Variants in NEGR1 observed in about 807,000 individuals in gnomAD.
NEGR1 encodes the protein neuronal growth regulator 1.
Under a neutral mutation model 40.9 loss-of-function variants are expected in NEGR1, and 10 were observed. The ratio of observed to expected loss-of-function variants is 0.24; its 90% CI spans 0.15 to 0.42. NEGR1 has a LOEUF of 0.42. Among genes scored for constraint, NEGR1 ranks in the 10% least tolerant of loss-of-function variants. The probability of loss-of-function intolerance (pLI) is 1.00; values close to 1 mark genes in which losing one functional copy is unlikely to be tolerated. For missense variants in NEGR1, 352 were observed against 438.9 expected, an observed-to-expected ratio of 0.80 and a Z score of 1.77; for synonymous variants, 185 against 166.8, an observed-to-expected ratio of 1.11 and a Z score of -0.84.
At chr1:71,527,405 AT>A (rs1487473509) in intron 6 of NEGR1, among the ~76,000 whole-genome samples, 1 of 41,084 alleles carries the variant, frequency 2.4e-5, no homozygotes, top group African/African-American at 7.9e-5. Flanking sequence ...TCCAACCACC[AT>A]CCATCCATCC....
chr1:71,918,002 G>C (rs890374133), intron 2 of NEGR1, among the ~76,000 whole-genome samples: 4 of 150,356 alleles, frequency 2.7e-5, no homozygotes, highest in African/African-American at 9.8e-5. Flanking sequence ...CGGATCACAA[G>C]GTCAGGAGAT....
At chr1:72,052,296 G>T (rs1020996215) in intron 1 of NEGR1, among the ~76,000 whole-genome samples, 4 of 151,324 alleles carry the variant, frequency 2.6e-5, no homozygotes, top group African/African-American at 7.3e-5. Flanking sequence ...TATTGCTTTT[G>T]CTGATTTGGC....
chr1:71,620,232 T>C (rs975557344), intron 4 of NEGR1, among the ~76,000 whole-genome samples: 3 of 151,970 alleles, frequency 2.0e-5, no homozygotes, highest in Non-Finnish European at 4.4e-5. Flanking sequence ...CGTAGAGCAT[T>C]AGTGAATTTA....
At chr1:72,069,774 T>G (rs1042158192) in intron 1 of NEGR1, among the ~76,000 whole-genome samples, 9 of 152,168 alleles carry the variant, frequency 5.9e-5, no homozygotes, top group African/African-American at 2.2e-4. Context: ...GAAATAAATT[T>G]TGAATATTCC....
At chr1:71,845,856 C>A (rs957879429) in intron 2 of NEGR1, among the ~76,000 whole-genome samples, 1 of 151,648 alleles carries the variant, frequency 6.6e-6, no homozygotes, top group African/African-American at 2.4e-5. Context: ...AACTCCTGGG[C>A]TCACGGGATC....
intron 4 of NEGR1, among the ~76,000 whole-genome samples, chr1:71,615,377 G>A (rs571409939): frequency 2.0e-4 from 31 of 152,278 alleles, no homozygotes; most frequent in African/African-American, 7.2e-4. Context: ...AAAAGGAAGA[G>A]CAAGATATGT....
chr1:72,174,209 C>A (rs1046466496), intron 1 of NEGR1, among the ~76,000 whole-genome samples: 13 of 152,172 alleles, frequency 8.5e-5, no homozygotes, highest in Non-Finnish European at 1.8e-4. Context: ...GGTTCACAGC[C>A]AAACTGAGTG....
intron 6 of NEGR1, among the ~76,000 whole-genome samples, chr1:71,582,799 G>A (rs1486489920): frequency 6.6e-6 from 1 of 152,156 alleles, no homozygotes; most frequent in African/African-American, 2.4e-5. Context: ...TGCACTCCAG[G>A]GCTAAAGCTG....
intron 3 of NEGR1, among the ~76,000 whole-genome samples, chr1:71,743,512 A>C (rs926714415): frequency 1.3e-5 from 2 of 152,004 alleles, no homozygotes; most frequent in Non-Finnish European, 2.9e-5. Context: ...ACTAATGCTG[A>C]TTATGTTGAA....
chr1:72,158,350 G>A (rs932153867), intron 1 of NEGR1, among the ~76,000 whole-genome samples: 3 of 152,188 alleles, frequency 2.0e-5, no homozygotes, highest in African/African-American at 7.2e-5. Flanking sequence ...GTTCCTTTTA[G>A]TGTAGCTCTC....
chr1:72,074,036 C>T (rs376795048), intron 1 of NEGR1, among the ~76,000 whole-genome samples: 20 of 152,090 alleles, frequency 1.3e-4, no homozygotes, highest in South Asian at 2.1e-4. Flanking sequence ...TTCTATGATA[C>T]GCTATTTCAT....
intron 2 of NEGR1, among the ~76,000 whole-genome samples, chr1:71,872,754 T>TA (rs1367753602): frequency 2.6e-5 from 4 of 152,196 alleles, no homozygotes; most frequent in Non-Finnish European, 5.9e-5. Flanking sequence ...CTGCTGGCCA[T>TA]ACTGCTGAGA....
At position 71,602,953 on chromosome 1, in the gene NEGR1, G is replaced by A. The variant is rs567121487; in HGVS notation, c.788+8073C>T. On this transcript the variant is annotated intron_variant, in intron 5 of 6. Transcript: ENST00000357731. ...ATCTCTGGCCTTGAATGTTAAAGTC[G>A]TCACAAACGTGGTAAGAGTTGTACT... Among the ~76,000 whole-genome samples the A allele has an allele frequency of 4.4e-4, 67 of 152,170 alleles. 1 individual carries two copies. In the South Asian group the frequency reaches 0.012, roughly 27 times the overall value.
intron 1 of NEGR1, among the ~76,000 whole-genome samples, chr1:72,039,623 T>C (rs1646934626): frequency 6.6e-6 from 1 of 151,980 alleles, no homozygotes; most frequent in African/African-American, 2.4e-5. Flanking sequence ...CAAGAAGATG[T>C]TGGAGTTTTT....
chr1:72,159,881 A>C (rs1651491656), intron 1 of NEGR1, among the ~76,000 whole-genome samples: 1 of 152,092 alleles, frequency 6.6e-6, no homozygotes. Context: ...AAACACACAA[A>C]CTATACATAT....
intron 1 of NEGR1, among the ~76,000 whole-genome samples, chr1:72,256,293 A>G (rs1468320058): frequency 1.3e-5 from 2 of 152,138 alleles, no homozygotes; most frequent in Non-Finnish European, 2.9e-5. Flanking sequence ...ATCAAGAAAT[A>G]TCACAAAAGT....
chr1:71,755,358 T>C (rs1655697687), intron 3 of NEGR1, among the ~76,000 whole-genome samples: 1 of 152,206 alleles, frequency 6.6e-6, no homozygotes, highest in Admixed American at 6.5e-5. Flanking sequence ...TCATGCTTTC[T>C]CTGCAACTCG....
At chr1:71,749,643 T>G (rs2101685855) in intron 3 of NEGR1, among the ~76,000 whole-genome samples, 1 of 152,290 alleles carries the variant, frequency 6.6e-6, no homozygotes, top group East Asian at 1.9e-4. Context: ...GAAGCTACTC[T>G]CGTCTTAGGT....
At chr1:71,927,974 G>A (rs1454552464) in intron 2 of NEGR1, among the ~76,000 whole-genome samples, 1 of 146,258 alleles carries the variant, frequency 6.8e-6, no homozygotes, top group African/African-American at 2.5e-5. Flanking sequence ...ACTTCAGCCT[G>A]GACACAGAGT....
Sources: gnomAD v4.1 joint callset for allele counts (sites outside exome capture counted in the v4.1 genomes callset) on GRCh38, gnomAD v4.1.1 for gene constraint, MANE v1.5 for transcripts, NCBI Gene and HGNC (gene_info 2026-07-23, HGNC 2026-07-21) for gene names.